ZNG1C: variants seen among roughly 807,000 people sequenced by gnomAD.
ZNG1C encodes zinc-regulated GTPase metalloprotein activator 1C.
chr9:68,255,415 ACCCT>A, the ZNG1C span, among the ~76,000 whole-genome samples: 5 of 151,168 alleles, frequency 3.3e-5, no homozygotes, highest in Admixed American at 6.6e-5. Context: ...GGAGAAAAGC[ACCCT>A]GGTTTGAGAG....
chr9:68,271,100 C>T, the ZNG1C span, among the ~76,000 whole-genome samples: 3 of 118,062 alleles, frequency 2.5e-5, no homozygotes, highest in Non-Finnish European at 5.3e-5. Context: ...GTAGCATCGT[C>T]TTAGTGGTAA....
At chr9:68,299,359 A>G in the ZNG1C span, 1 of 586,024 alleles carries the variant, frequency 1.7e-6, no homozygotes, top group South Asian at 2.1e-5. Context: ...GAATCACTCA[A>G]TTACTATTCT....
the ZNG1C span, among the ~76,000 whole-genome samples, chr9:68,279,340 TC>T: frequency 2.0e-3 from 219 of 108,228 alleles, 1 homozygote; most frequent in African/African-American, 7.2e-3. Context: ...GTGAATTTGA[TC>T]CTGTCATTAT....
chr9:68,296,521 G>C, the ZNG1C span, among the ~76,000 whole-genome samples: 1 of 152,286 alleles, frequency 6.6e-6, no homozygotes, highest in South Asian at 2.1e-4. Flanking sequence ...ATTCTCTTGA[G>C]TTTGGATTAT....
At chr9:68,247,324 A>G in the ZNG1C span, among the ~76,000 whole-genome samples, 1 of 151,266 alleles carries the variant, frequency 6.6e-6, no homozygotes, top group Non-Finnish European at 1.5e-5. Context: ...CAAGAAAAAA[A>G]TGCCTTCATT....
At chr9:68,257,226 C>T in the ZNG1C span, among the ~76,000 whole-genome samples, 3,525 of 127,980 alleles carry the variant, frequency 0.028, 1 homozygote, top group Non-Finnish European at 0.04. Context: ...TTAGTAGAGA[C>T]GGGGTTTCGC....
the ZNG1C span, among the ~76,000 whole-genome samples, chr9:68,249,189 G>T: frequency 1.3e-5 from 2 of 151,702 alleles, no homozygotes; most frequent in Non-Finnish European, 2.9e-5. Flanking sequence ...TGTAGGAAGA[G>T]CAGAGACGTT....
chr9:68,254,821 TTC>T, the ZNG1C span: 2 of 143,086 alleles, frequency 1.4e-5, no homozygotes, highest in Admixed American at 7.1e-5. Context: ...GACCTCTCAT[TTC>T]TCTTTGTTCT....
At chr9:68,264,781 A>G in the ZNG1C span, among the ~76,000 whole-genome samples, 96 of 43,750 alleles carry the variant, frequency 2.2e-3, no homozygotes, top group Admixed American at 0.022. Flanking sequence ...TTAACATTTA[A>G]AAATATTTTC....
At chr9:68,268,915 CATTTATT>C in the ZNG1C span, 1 of 1,010,556 alleles carries the variant, frequency 9.9e-7, no homozygotes, top group Admixed American at 2.9e-5. Context: ...TTGTCTTCCT[CATTTATT>C]ATTTATTTCA....
chr9:68,291,175 C>T, the ZNG1C span, among the ~76,000 whole-genome samples: 2 of 69,544 alleles, frequency 2.9e-5, no homozygotes, highest in Admixed American at 3.0e-4. Flanking sequence ...GTATCCATGA[C>T]TGTATATTTT....
At chr9:68,248,772 A>C in the ZNG1C span, 1 of 282,848 alleles carries the variant, frequency 3.5e-6, no homozygotes, top group Admixed American at 8.6e-5. Flanking sequence ...ATATTTAGGT[A>C]ATTAACTGTA....
chr9:68,257,700 C>T, the ZNG1C span, among the ~76,000 whole-genome samples: 2 of 116,188 alleles, frequency 1.7e-5, no homozygotes, highest in South Asian at 3.0e-4. Context: ...TCCTCCCTTA[C>T]TTTATTTACC....
the ZNG1C span, among the ~76,000 whole-genome samples, chr9:68,271,923 T>C: frequency 6.6e-6 from 1 of 150,378 alleles, no homozygotes; most frequent in Non-Finnish European, 1.5e-5. Context: ...GTTTGGAAAA[T>C]GTGATTGGTT....
At chr9:68,288,495 G>A in the ZNG1C span, among the ~76,000 whole-genome samples, 10 of 151,878 alleles carry the variant, frequency 6.6e-5, no homozygotes, top group East Asian at 1.2e-3. Context: ...ACGGAGTCTC[G>A]CTCCGGCTGG....
At chr9:68,281,043 C>T in the ZNG1C span, among the ~76,000 whole-genome samples, 7 of 129,102 alleles carry the variant, frequency 5.4e-5, no homozygotes, top group Non-Finnish European at 8.4e-5. Flanking sequence ...TCCTGGTGCG[C>T]GGTTTTTTAA....
the ZNG1C span, chr9:68,254,664 G>T: frequency 6.6e-6 from 1 of 150,968 alleles, no homozygotes; most frequent in Non-Finnish European, 1.5e-5. Context: ...GAAAGAGAAG[G>T]GAAAAGTGGT....
At chr9:68,287,106 T>G in the ZNG1C span, among the ~76,000 whole-genome samples, 1 of 151,428 alleles carries the variant, frequency 6.6e-6, no homozygotes, top group South Asian at 2.1e-4. Context: ...CCATAGAATC[T>G]CGAATGAACC....
chr9:68,260,023 T>G, the ZNG1C span, among the ~76,000 whole-genome samples: 16 of 150,108 alleles, frequency 1.1e-4, no homozygotes, highest in African/African-American at 4.0e-4. Context: ...GAATATAATT[T>G]AAGAATCAAA....
Sources: allele counts gnomAD v4.1 joint callset (sites outside exome capture counted in the v4.1 genomes callset), GRCh38; gene constraint gnomAD v4.1.1; transcripts MANE v1.5; gene names NCBI Gene and HGNC (gene_info 2026-07-23, HGNC 2026-07-21).